Variants in ASTN2 observed in about 807,000 individuals in gnomAD.
ASTN2 encodes the protein astrotactin-2.
In ASTN2, 54 loss-of-function variants were observed where a neutral mutation model predicts 139.8. The ratio of observed to expected loss-of-function variants is 0.39; its 90% CI spans 0.31 to 0.48. The LOEUF (loss-of-function observed/expected upper bound fraction) is 0.48, where lower values mean the gene tolerates loss of function less well. ASTN2 is among the 20% of genes least tolerant of loss of function. ASTN2 has a pLI of 0.95. For synonymous variants in ASTN2, 756 were observed against 719.5 expected, an observed-to-expected ratio of 1.05 and a Z score of -0.81; for missense variants, 1,565 against 1,725.1, an observed-to-expected ratio of 0.91 and a Z score of 1.64.
intron 16 of ASTN2, among the ~76,000 whole-genome samples, chr9:116,706,969 C>T (rs1261094712): frequency 6.6e-6 from 1 of 151,760 alleles, no homozygotes; most frequent in Non-Finnish European, 1.5e-5. Context: ...GTGTCTTGGT[C>T]GAGACTTACC....
At chr9:116,771,499 G>C (rs1386332913) in intron 13 of ASTN2, among the ~76,000 whole-genome samples, 1 of 152,114 alleles carries the variant, frequency 6.6e-6, no homozygotes, top group South Asian at 2.1e-4. Context: ...TAAGTACCAA[G>C]AGGGTAGGAA....
At chr9:116,588,453 C>A (rs1435194849) in intron 19 of ASTN2, among the ~76,000 whole-genome samples, 1 of 152,134 alleles carries the variant, frequency 6.6e-6, no homozygotes, top group African/African-American at 2.4e-5. Flanking sequence ...AAAGGATGAT[C>A]ATGCCAGGGC....
chr9:116,575,290 T>A (rs964793111), intron 19 of ASTN2, among the ~76,000 whole-genome samples: 1 of 150,970 alleles, frequency 6.6e-6, no homozygotes, highest in Non-Finnish European at 1.5e-5. Flanking sequence ...CTGGAATGTA[T>A]AATTAAAAAA....
chr9:117,392,255 G>C (rs1830560807), intron 1 of ASTN2, among the ~76,000 whole-genome samples: 1 of 152,140 alleles, frequency 6.6e-6, no homozygotes, highest in South Asian at 2.1e-4. Flanking sequence ...GAAATACATG[G>C]ATTCAAAAGC....
intron 1 of ASTN2, among the ~76,000 whole-genome samples, chr9:117,378,574 A>C (rs1830184801): frequency 6.6e-6 from 1 of 152,134 alleles, no homozygotes; most frequent in South Asian, 2.1e-4. Context: ...ACACATATCC[A>C]CTGCCCCCTT....
intron 10 of ASTN2, among the ~76,000 whole-genome samples, chr9:116,940,451 G>A (rs1835191618): frequency 6.6e-6 from 1 of 152,162 alleles, no homozygotes; most frequent in Admixed American, 6.5e-5. Flanking sequence ...CAAGATGGAG[G>A]TAGAAGACAG....
At chr9:116,724,266 T>C (rs1039942958) in intron 16 of ASTN2, among the ~76,000 whole-genome samples, 4 of 152,206 alleles carry the variant, frequency 2.6e-5, no homozygotes, top group Non-Finnish European at 4.4e-5. Flanking sequence ...AGACTTCTAT[T>C]GATTTAATGC....
chr9:116,875,115 T>G (rs1833263366), intron 10 of ASTN2, among the ~76,000 whole-genome samples: 1 of 152,036 alleles, frequency 6.6e-6, no homozygotes, highest in Non-Finnish European at 1.5e-5. Context: ...AAGCTAGAAA[T>G]GATTAAGTTT....
At chr9:117,234,507 T>C (rs1192046425) in intron 2 of ASTN2, among the ~76,000 whole-genome samples, 1 of 152,158 alleles carries the variant, frequency 6.6e-6, no homozygotes, top group Non-Finnish European at 1.5e-5. Flanking sequence ...ACTTTCCAAA[T>C]ATCAGAACGG....
rs553343782 is a variant in ASTN2 at position 117,080,565 on chromosome 9, TG to T, written c.1276+15478del. Among the ~76,000 whole-genome samples the T allele has an allele frequency of 2.0e-5, 3 of 151,698 alleles. No homozygotes were observed. The South Asian group carries it at 6.3e-4, about 32-fold the overall frequency. Reference sequence around the variant, plus strand: ...AGAAAGAGTGTGCAGGAAATGGGGATGGGGAAAAAATGAAATGAGCTCTCGA... The same window carrying T: ...AGAAAGAGTGTGCAGGAAATGGGGATGGGAAAAAATGAAATGAGCTCTCGA... On this transcript the variant is annotated intron_variant, in intron 5 of 22. Transcript: ENST00000313400.
intron 16 of ASTN2, among the ~76,000 whole-genome samples, chr9:116,678,599 T>G (rs916323345): frequency 3.9e-5 from 6 of 152,142 alleles, no homozygotes; most frequent in African/African-American, 1.4e-4. Context: ...GGAACAAAAC[T>G]GAAGGTTAAG....
chr9:117,051,855 A>T (rs1838920159), intron 5 of ASTN2, among the ~76,000 whole-genome samples: 1 of 152,086 alleles, frequency 6.6e-6, no homozygotes, highest in African/African-American at 2.4e-5. Flanking sequence ...TTCCATGACA[A>T]TGTTCACCAT....
chr9:116,577,393 G>T lies in ASTN2; in HGVS notation c.3355+40931C>A, dbSNP rs900082705. ...AACAAAATACAAAAATTAGCTGGGT[G>T]TGGTGGCTTGTGCCTGTTGTCCCAG... On this transcript the variant is annotated intron_variant, in intron 19 of 22. Coordinates refer to ENST00000313400, the MANE Select transcript of ASTN2 (RefSeq NM_001365068.1). Among the ~76,000 whole-genome samples, 6 of 152,012 alleles carry T rather than the reference G, an allele frequency of 3.9e-5. No homozygotes were observed. The East Asian group carries it at 1.2e-3, about 29-fold the overall frequency.
chr9:116,482,675 A>G (rs6478239), intron 20 of ASTN2, among the ~76,000 whole-genome samples: 134,755 of 152,028 alleles, frequency 0.89, 59,781 homozygotes, highest in African/African-American at 0.92. Context: ...GCTTTTTTTC[A>G]CAATGCCCTC....
chr9:116,508,874 G>A (rs1341393176), intron 19 of ASTN2, among the ~76,000 whole-genome samples: 1 of 152,100 alleles, frequency 6.6e-6, no homozygotes, highest in African/African-American at 2.4e-5. Context: ...AAAAGTCAGG[G>A]ATATTGGGCA....
intron 7 of ASTN2, among the ~76,000 whole-genome samples, chr9:116,989,737 C>T (rs1382967645): frequency 6.6e-6 from 1 of 152,006 alleles, no homozygotes; most frequent in East Asian, 1.9e-4. Context: ...GCACCCGCCA[C>T]CAGGCCCAGC....
At chr9:116,655,336 C>G (rs999141038) in intron 16 of ASTN2, among the ~76,000 whole-genome samples, 3 of 152,164 alleles carry the variant, frequency 2.0e-5, no homozygotes, top group African/African-American at 7.2e-5. Context: ...AAAGGCAAAC[C>G]TTTTATTCTT....
chr9:116,777,718 C>T (rs1830118950), intron 13 of ASTN2, among the ~76,000 whole-genome samples: 1 of 152,202 alleles, frequency 6.6e-6, no homozygotes, highest in Admixed American at 6.5e-5. Flanking sequence ...TCCAGAAACA[C>T]TCTATTCCAG....
intron 2 of ASTN2, among the ~76,000 whole-genome samples, chr9:117,240,363 C>T (rs781108903): frequency 3.9e-5 from 6 of 152,042 alleles, no homozygotes; most frequent in Non-Finnish European, 7.4e-5. Context: ...CGGAAGGGAA[C>T]GAGGATGGTT....
Sources: allele counts gnomAD v4.1 joint callset (sites outside exome capture counted in the v4.1 genomes callset), GRCh38; gene constraint gnomAD v4.1.1; transcripts MANE v1.5; gene names NCBI Gene and HGNC (gene_info 2026-07-23, HGNC 2026-07-21).